STK32B: variants seen among roughly 807,000 people sequenced by gnomAD.
The protein encoded by STK32B is serine/threonine kinase 32B, also known as serine/threonine-protein kinase 32B.
STK32B carries 43 observed loss-of-function variants against 52.6 expected under a neutral mutation model. The ratio of observed to expected loss-of-function variants is 0.82; its 90% CI spans 0.64 to 1.05. The LOEUF (loss-of-function observed/expected upper bound fraction) is 1.05, where lower values mean the gene tolerates loss of function less well. STK32B is among the 50% of genes least tolerant of loss of function. The pLI is 0.00. For synonymous variants in STK32B, 238 were observed against 204.3 expected, an observed-to-expected ratio of 1.17 and a Z score of -1.41; for missense variants, 621 against 534.6, an observed-to-expected ratio of 1.16 and a Z score of -1.59.
intron 4 of STK32B, among the ~76,000 whole-genome samples, chr4:5,342,140 C>T (rs776570547): frequency 1.4e-4 from 21 of 152,026 alleles, no homozygotes; most frequent in Admixed American, 7.2e-4. Context: ...GACAGTGTGG[C>T]GATTCCTCAA....
rs1244942195 is a variant in STK32B, at chr4:5,499,404, T to C, written c.*321T>C. On this transcript the variant is annotated 3_prime_UTR_variant, in exon 12 of 12. Coordinates refer to ENST00000282908, the MANE Select transcript of STK32B (RefSeq NM_018401.3). Reference sequence around the variant, plus strand: ...AAACATGAAAAACCTTTGATATTTATAAAATCATTTTTACGTGCAAAATAT... The same window carrying C: ...AAACATGAAAAACCTTTGATATTTACAAAATCATTTTTACGTGCAAAATAT... 3.4e-6 allele frequency: 1 copy of C among 292,434 alleles called. No individual in the cohort carries two copies. Among genetic ancestry groups the C allele is most frequent in the African/African-American group, 2.2e-5 (1 of 46,304 alleles). The allele number at this position is 292,434 out of a possible 1,614,324, so 18.1% of individuals were successfully genotyped here.
intron 6 of STK32B, among the ~76,000 whole-genome samples, chr4:5,440,804 T>A (rs958425481): frequency 1.3e-5 from 2 of 152,110 alleles, no homozygotes; most frequent in Non-Finnish European, 2.9e-5. Flanking sequence ...ATTGAGAGTT[T>A]TTAGCATGAA....
chr4:5,400,303 T>A lies in STK32B; in HGVS notation c.472+2059T>A, dbSNP rs1737207528. Among the ~76,000 whole-genome samples the A allele has an allele frequency of 6.6e-6, 1 of 152,092 alleles. No individual in the cohort carries two copies. Among genetic ancestry groups the A allele is most frequent in the South Asian group, 2.1e-4 (1 of 4,810 alleles). On this transcript the variant is annotated intron_variant, in intron 5 of 11. Transcript: ENST00000282908. The surrounding 1 kb of genome is among the most constrained non-coding windows in gnomAD (Gnocchi z 6.1). ...GGATTTCCATCCATCCCATTCCGCC[T>A]CCCTTTCTGTACCCATTCTCAGCCT...
In STK32B at chr4:5,412,727, T is replaced by C. The variant is rs539636434; in HGVS notation, c.473-4118T>C. Reference sequence around the variant, plus strand: ...AAGGATTAAGATGAGATTTGACACCTATTCTGCACCAGTTATTAACCCTAA... The same window carrying C: ...AAGGATTAAGATGAGATTTGACACCCATTCTGCACCAGTTATTAACCCTAA... On this transcript the variant is annotated intron_variant, in intron 5 of 11. Transcript: ENST00000282908. Among the ~76,000 whole-genome samples the C allele has an allele frequency of 4.6e-5, 7 of 152,316 alleles. No homozygotes were observed. The South Asian group carries it at 1.4e-3, about 32-fold the overall frequency.
At chr4:5,220,886 T>G (rs1723486911) in intron 3 of STK32B, among the ~76,000 whole-genome samples, 1 of 152,178 alleles carries the variant, frequency 6.6e-6, no homozygotes, top group Non-Finnish European at 1.5e-5. Flanking sequence ...CTTTATCAAG[T>G]TGACTGCTCA....
chr4:5,445,537 C>T (rs113259256), intron 6 of STK32B, among the ~76,000 whole-genome samples: 8 of 152,200 alleles, frequency 5.3e-5, no homozygotes, highest in Admixed American at 1.3e-4. Context: ...CTGAGATAAC[C>T]CACCACTCAG....
At chr4:5,167,931 C>T (rs914008216) in intron 2 of STK32B, among the ~76,000 whole-genome samples, 10 of 152,322 alleles carry the variant, frequency 6.6e-5, no homozygotes, top group East Asian at 5.8e-4. Context: ...CTGCGACACT[C>T]GTGCACGCCA....
intron 11 of STK32B, among the ~76,000 whole-genome samples, chr4:5,490,436 C>A (rs2108723989): frequency 6.6e-6 from 1 of 152,070 alleles, no homozygotes; most frequent in Middle Eastern, 3.4e-3. Context: ...GGCTGTCAAC[C>A]AAATTTGGGG....
chr4:5,482,305 C>T (rs185020315), intron 11 of STK32B, among the ~76,000 whole-genome samples: 4 of 152,230 alleles, frequency 2.6e-5, no homozygotes, highest in East Asian at 1.9e-4. Context: ...CTTCACATCC[C>T]TTGTAAGTTG....
At chr4:5,389,269 G>A (rs1736448079) in intron 4 of STK32B, among the ~76,000 whole-genome samples, 1 of 152,154 alleles carries the variant, frequency 6.6e-6, no homozygotes, top group African/African-American at 2.4e-5. Context: ...AGTAAAATAA[G>A]GGTAACAATA....
intron 1 of STK32B, among the ~76,000 whole-genome samples, chr4:5,078,318 G>A (rs944570228): frequency 1.2e-4 from 18 of 152,088 alleles, no homozygotes; most frequent in African/African-American, 4.1e-4. Context: ...CTTTGTCAAA[G>A]AAAACCAGGA....
intron 1 of STK32B, among the ~76,000 whole-genome samples, chr4:5,085,584 C>A (rs1712689980): frequency 6.6e-6 from 1 of 152,158 alleles, no homozygotes; most frequent in Non-Finnish European, 1.5e-5. Context: ...ATGTTCAAAA[C>A]AAACACCAAC....
rs567402254 is a variant in STK32B at position 5,055,773 on chromosome 4, C to T, written c.52+3858C>T. On this transcript the variant is annotated intron_variant, in intron 1 of 11. Transcript: ENST00000282908. Reference sequence around the variant, plus strand: ...GCATCTCCCCCCCAGCCCACTCTCACTTCCTTCGGGTCTCCAGGAAAATGT... The same window carrying T: ...GCATCTCCCCCCCAGCCCACTCTCATTTCCTTCGGGTCTCCAGGAAAATGT... Among the ~76,000 whole-genome samples the T allele has an allele frequency of 3.3e-5, 5 of 152,264 alleles. No homozygotes were observed. The East Asian group carries it at 9.7e-4, about 29-fold the overall frequency.
At chr4:5,041,626 T>C in the STK32B span, among the ~76,000 whole-genome samples, 1 of 151,912 alleles carries the variant, frequency 6.6e-6, no homozygotes, top group Non-Finnish European at 1.5e-5. Flanking sequence ...CTATTTTGAG[T>C]GAGCACTCAA....
At chr4:5,061,217 ATCT>A (rs1227123958) in intron 1 of STK32B, among the ~76,000 whole-genome samples, 2 of 151,998 alleles carry the variant, frequency 1.3e-5, no homozygotes, top group Non-Finnish European at 2.9e-5. Context: ...TAGTCTGAAT[ATCT>A]TCTTCTGGCC....
intron 3 of STK32B, among the ~76,000 whole-genome samples, chr4:5,241,905 C>T (rs2108818363): frequency 6.6e-6 from 1 of 152,300 alleles, no homozygotes; most frequent in African/African-American, 2.4e-5. Flanking sequence ...AGGACATGAA[C>T]TCATCATTTT....
At chr4:5,209,326 A>G (rs1722768454) in intron 3 of STK32B, among the ~76,000 whole-genome samples, 1 of 152,180 alleles carries the variant, frequency 6.6e-6, no homozygotes, top group Admixed American at 6.5e-5. Context: ...GGTTCAAGTA[A>G]TCCTCCCACC....
intron 1 of STK32B, among the ~76,000 whole-genome samples, chr4:5,111,811 G>T (rs1214687868): frequency 6.6e-6 from 1 of 151,968 alleles, no homozygotes; most frequent in Non-Finnish European, 1.5e-5. Flanking sequence ...TCTCAGTTTG[G>T]GTTTCCTTAC....
At chr4:5,495,262 G>A (rs28843445) in intron 11 of STK32B, among the ~76,000 whole-genome samples, 9 of 152,078 alleles carry the variant, frequency 5.9e-5, no homozygotes, top group African/African-American at 2.2e-4. Flanking sequence ...TTTCTTGGAG[G>A]CTTTGTTCGT....
Sources: gnomAD v4.1 joint callset for allele counts (sites outside exome capture counted in the v4.1 genomes callset) on GRCh38, gnomAD v4.1.1 for gene constraint, Gnocchi (gnomAD v3.1) non-coding constraint, MANE v1.5 for transcripts, NCBI Gene and HGNC (gene_info 2026-07-23, HGNC 2026-07-21) for gene names.